Variants in NELL1 observed in about 807,000 individuals in gnomAD.
NELL1 encodes neural EGFL like 1, also known as protein kinase C-binding protein NELL1.
Under a neutral mutation model 107.4 loss-of-function variants are expected in NELL1, and 76 were observed. That is an observed-to-expected ratio of 0.71 (90% CI 0.59 to 0.86). The LOEUF (loss-of-function observed/expected upper bound fraction) is 0.86, where lower values mean the gene tolerates loss of function less well. Among genes scored for constraint, NELL1 ranks in the 40% least tolerant of loss-of-function variants. The pLI is 0.00. For synonymous variants in NELL1, 353 were observed against 341.2 expected, an observed-to-expected ratio of 1.03 and a Z score of -0.38; for missense variants, 1,024 against 1,005.5, an observed-to-expected ratio of 1.02 and a Z score of -0.25.
At chr11:21,292,352 C>A in intron 14 of NELL1, among the ~76,000 whole-genome samples, 1 of 152,054 alleles carries the variant, frequency 6.6e-6, no homozygotes, top group Non-Finnish European at 1.5e-5. Flanking sequence ...AATAAAATAC[C>A]TAGGAATACA....
intron 11 of NELL1, among the ~76,000 whole-genome samples, chr11:20,951,473 A>G (rs1352378309): frequency 3.3e-5 from 5 of 152,140 alleles, no homozygotes; most frequent in Non-Finnish European, 5.9e-5. Flanking sequence ...GTTCTGACTG[A>G]CTTATGGTGT....
At chr11:21,394,362 A>G (rs1449161031) in intron 15 of NELL1, among the ~76,000 whole-genome samples, 3 of 151,546 alleles carry the variant, frequency 2.0e-5, no homozygotes, top group Non-Finnish European at 3.0e-5. Flanking sequence ...CATAAATAAT[A>G]TATACAGAAC....
At chr11:20,750,732 G>T (rs1856114446) in intron 2 of NELL1, among the ~76,000 whole-genome samples, 2 of 152,004 alleles carry the variant, frequency 1.3e-5, no homozygotes, top group Admixed American at 1.3e-4. Flanking sequence ...GAATACAGGT[G>T]CACACCACCA....
chr11:20,820,796 A>T (rs1857733030), intron 3 of NELL1, among the ~76,000 whole-genome samples: 1 of 152,196 alleles, frequency 6.6e-6, no homozygotes, highest in African/African-American at 2.4e-5. Context: ...ACACCTTATT[A>T]GAGAGCCTTC....
At chr11:20,723,520 A>AC (rs2133911993) in intron 2 of NELL1, among the ~76,000 whole-genome samples, 1 of 152,270 alleles carries the variant, frequency 6.6e-6, no homozygotes, top group Admixed American at 6.5e-5. Context: ...GCATGCTGAT[A>AC]CAACAGGTGG....
intron 4 of NELL1, among the ~76,000 whole-genome samples, chr11:20,848,304 C>T (rs1158089681): frequency 6.6e-6 from 1 of 152,126 alleles, no homozygotes; most frequent in Non-Finnish European, 1.5e-5. Context: ...AGCCTTCCAG[C>T]TTGTCAGGGG....
At chr11:20,675,773 T>C (rs982674326) in intron 1 of NELL1, among the ~76,000 whole-genome samples, 1 of 152,086 alleles carries the variant, frequency 6.6e-6, no homozygotes, top group African/African-American at 2.4e-5. Context: ...TTCTTTTTTC[T>C]TTTCTTTTCT....
intron 14 of NELL1, among the ~76,000 whole-genome samples, chr11:21,366,968 A>G (rs1851235950): frequency 6.6e-6 from 1 of 152,108 alleles, no homozygotes; most frequent in Non-Finnish European, 1.5e-5. Flanking sequence ...ATGGTACTGG[A>G]CATCCACAAA....
intron 14 of NELL1, among the ~76,000 whole-genome samples, chr11:21,230,407 T>C (rs961673438): frequency 6.6e-6 from 1 of 152,216 alleles, no homozygotes; most frequent in African/African-American, 2.4e-5. Flanking sequence ...GTCCCTGGCA[T>C]TTAGAGTGTG....
intron 15 of NELL1, among the ~76,000 whole-genome samples, chr11:21,432,200 T>C (rs1236863357): frequency 6.6e-6 from 1 of 152,144 alleles, no homozygotes; most frequent in Non-Finnish European, 1.5e-5. Flanking sequence ...GCACATACTA[T>C]ACATATTTAC....
intron 12 of NELL1, among the ~76,000 whole-genome samples, chr11:21,090,598 G>A (rs754213177): frequency 1.8e-4 from 28 of 152,154 alleles, no homozygotes; most frequent in Admixed American, 1.8e-3. Flanking sequence ...AGACAAATTA[G>A]GAGGGTTGAG....
intron 15 of NELL1, chr11:21,383,962 T>C (rs1230479900): frequency 6.6e-6 from 1 of 151,984 alleles, no homozygotes; most frequent in African/African-American, 2.4e-5. Flanking sequence ...CAAACTATAA[T>C]CTTTCACATT....
chr11:21,056,746 A>G (rs1019765762), intron 12 of NELL1, among the ~76,000 whole-genome samples: 1 of 152,158 alleles, frequency 6.6e-6, no homozygotes, highest in African/African-American at 2.4e-5. Context: ...TGCACATCAA[A>G]TGAAAACTTC....
intron 2 of NELL1, among the ~76,000 whole-genome samples, chr11:20,708,152 A>G (rs937824266): frequency 1.5e-4 from 23 of 152,258 alleles, no homozygotes; most frequent in African/African-American, 5.3e-4. Context: ...AACCAGGCAC[A>G]GGATATAATC....
intron 15 of NELL1, among the ~76,000 whole-genome samples, chr11:21,374,971 CCAAA>C (rs1448606585): frequency 6.7e-6 from 1 of 150,264 alleles, no homozygotes; most frequent in African/African-American, 2.5e-5. Context: ...ACTTGCACAT[CCAAA>C]CAGAGAAGAA....
Position 21,028,159 on chromosome 11 carries a change from A to G in NELL1, c.1300+67599A>G, listed in dbSNP as rs79222949. Among the ~76,000 whole-genome samples, 62 of 152,294 alleles carry G rather than the reference A, an allele frequency of 4.1e-4. 2 individuals carry two copies. In the East Asian group the frequency reaches 0.012, roughly 29 times the overall value. On this transcript the variant is annotated intron_variant, in intron 12 of 19. Transcript: ENST00000357134. ...CATTCTATATTTCTGAAGGGATGTA[A>G]GAGTGTCACCTAGCACATAAGATGT...
intron 5 of NELL1, among the ~76,000 whole-genome samples, chr11:20,904,151 A>T (rs1175369282): frequency 6.6e-6 from 1 of 152,140 alleles, no homozygotes; most frequent in Non-Finnish European, 1.5e-5. Flanking sequence ...TGGCACATGC[A>T]TACATATGTA....
At chr11:20,669,573 A>G (rs1033293134), upstream of NELL1, 9 of 472,622 alleles carry the variant, frequency 1.9e-5, no homozygotes, top group Admixed American at 3.3e-5. The surrounding 1 kb of genome is among the most constrained non-coding windows in gnomAD (Gnocchi z 4.4). Flanking sequence ...CCGGGCGCAT[A>G]TGCGAGCGCA....
intron 1 of NELL1, among the ~76,000 whole-genome samples, chr11:20,672,180 A>G (rs983757540): frequency 6.6e-6 from 1 of 152,252 alleles, no homozygotes; most frequent in Non-Finnish European, 1.5e-5. Context: ...TTCTGGAGGC[A>G]GCCCTCTGAT....
Sources: allele counts gnomAD v4.1 joint callset (sites outside exome capture counted in the v4.1 genomes callset), GRCh38; gene constraint gnomAD v4.1.1; non-coding constraint Gnocchi (gnomAD v3.1); transcripts MANE v1.5; gene names NCBI Gene and HGNC (gene_info 2026-07-23, HGNC 2026-07-21).